Variants in STK24 observed in about 807,000 individuals in gnomAD.
The protein encoded by STK24 is serine/threonine kinase 24.
STK24 carries 21 observed loss-of-function variants against 55.6 expected under a neutral mutation model. The ratio of observed to expected loss-of-function variants is 0.38; its 90% confidence interval spans 0.27 to 0.54. The LOEUF (loss-of-function observed/expected upper bound fraction) is 0.54, where lower values mean the gene tolerates loss of function less well. STK24 is among the 20% of genes least tolerant of loss of function. STK24 has a pLI of 0.79. For missense variants in STK24, 383 were observed against 538.4 expected (o/e 0.71, Z 2.86); for synonymous variants, 200 against 215.2 (o/e 0.93, Z 0.62).
chr13:98,558,928 G>A (rs1897342801), intron 1 of STK24, among the ~76,000 whole-genome samples: 1 of 150,200 alleles, frequency 6.7e-6, no homozygotes, highest in Non-Finnish European at 1.5e-5. Flanking sequence ...ACTTTAGGAG[G>A]CTGAGGCAGG....
chr13:98,471,178 T>TA (rs1346838800), intron 5 of STK24, among the ~76,000 whole-genome samples: 1 of 152,152 alleles, frequency 6.6e-6, no homozygotes, highest in Admixed American at 6.5e-5. Context: ...CAGTGACCAG[T>TA]GACAGGAAGG....
intron 9 of STK24, among the ~76,000 whole-genome samples, chr13:98,458,860 CCTT>C (rs1893580360): frequency 6.6e-6 from 1 of 152,202 alleles, no homozygotes; most frequent in Non-Finnish European, 1.5e-5. Flanking sequence ...GGGATATAAT[CCTT>C]CTACTGGGCT....
intron 1 of STK24, among the ~76,000 whole-genome samples, chr13:98,522,775 T>C (rs886924400): frequency 1.3e-5 from 2 of 152,192 alleles, no homozygotes; most frequent in African/African-American, 4.8e-5. Flanking sequence ...CATGGGACTG[T>C]GGTCAGTAAA....
intron 3 of STK24, 50 bp from the exon 4 acceptor site, chr13:98,475,408 A>G: frequency 1.5e-6 from 2 of 1,321,276 alleles, no homozygotes; most frequent in Middle Eastern, 2.4e-4. Context: ...TATCTTATGA[A>G]AAGTTTGAGA....
chr13:98,562,216 A>T (rs941889883), intron 1 of STK24, among the ~76,000 whole-genome samples: 1 of 152,214 alleles, frequency 6.6e-6, no homozygotes, highest in Non-Finnish European at 1.5e-5. Context: ...CTACATACTC[A>T]AGTACTGGGA....
chr13:98,546,513 T>G (rs774962309), intron 1 of STK24, among the ~76,000 whole-genome samples: 17 of 152,306 alleles, frequency 1.1e-4, no homozygotes, highest in Admixed American at 2.6e-4. Flanking sequence ...GAACAGGGAC[T>G]TCCTTCAGTC....
In STK24 at chr13:98,453,080, G is replaced by T; in HGVS notation, c.*93C>A. 1 of 1,462,948 alleles carries T rather than the reference G, an allele frequency of 6.8e-7. No individual in the cohort carries two copies. Among genetic ancestry groups the T allele is most frequent in the Non-Finnish European group, 9.5e-7 (1 of 1,055,932 alleles). 90.6% of individuals were successfully genotyped at this position (1,462,948 alleles called of 1,614,324 possible). On this transcript the variant is annotated 3_prime_UTR_variant, in exon 11 of 11. Transcript: ENST00000539966. The stretch of plus-strand genomic sequence containing the variant: ...TGGCTCCCAGTGGCGCACCTCTTCG[G>T]TGGAGTCAGCGAAGGCTCTCGTTGA...
chr13:98,544,262 C>T (rs150180096), intron 1 of STK24, among the ~76,000 whole-genome samples: 240 of 152,312 alleles, frequency 1.6e-3, no homozygotes, highest in Non-Finnish European at 2.9e-3. Flanking sequence ...AGCACAGGGG[C>T]AGGAGGCTCT....
At chr13:98,502,570 T>C (rs1278462678) in intron 2 of STK24, among the ~76,000 whole-genome samples, 1 of 152,174 alleles carries the variant, frequency 6.6e-6, no homozygotes, top group Admixed American at 6.5e-5. Context: ...AATGTATTAA[T>C]GTGGTGACTT....
intron 1 of STK24, chr13:98,521,844 G>A (rs753211453): frequency 2.5e-6 from 2 of 795,558 alleles, no homozygotes; most frequent in Non-Finnish European, 4.6e-6. Flanking sequence ...GCTGGGCTCT[G>A]GAGTCCATCC....
rs947701467 is a variant in STK24 at position 98,452,467 on chromosome 13, G to A, written c.*706C>T. On this transcript the variant is annotated 3_prime_UTR_variant, in exon 11 of 11. Transcript: ENST00000539966. ...ACCAAAAGGGGCGTAGGGCAAACGGGGAAAATTTGCATTTGTTGAGGTACA... is the reference window on the plus strand; with the variant it reads ...ACCAAAAGGGGCGTAGGGCAAACGGAGAAAATTTGCATTTGTTGAGGTACA... The A allele has an allele frequency of 6.6e-6, 1 of 152,576 alleles. No homozygotes were observed. Among genetic ancestry groups the A allele is most frequent in the Non-Finnish European group, 1.5e-5 (1 of 68,026 alleles). 9.5% of individuals were successfully genotyped at this position (152,576 alleles called of 1,614,324 possible).
chr13:98,534,733 CA>C (rs970860258), intron 1 of STK24, among the ~76,000 whole-genome samples: 5 of 152,166 alleles, frequency 3.3e-5, no homozygotes, highest in African/African-American at 1.2e-4. Context: ...GAACCGAAAA[CA>C]GCAAAAAACC....
intron 7 of STK24, among the ~76,000 whole-genome samples, chr13:98,463,376 G>A (rs1467772875): frequency 6.6e-6 from 1 of 152,148 alleles, no homozygotes; most frequent in Non-Finnish European, 1.5e-5. Flanking sequence ...CACCTGATCA[G>A]GGTTTTACAA....
At chr13:98,456,547 TC>T in intron 10 of STK24, 2 of 509,388 alleles carry the variant, frequency 3.9e-6, no homozygotes, top group East Asian at 5.9e-5. Flanking sequence ...GGGGCTTGGT[TC>T]CCATGGATAC....
intron 2 of STK24, among the ~76,000 whole-genome samples, chr13:98,501,236 C>A (rs1895448244): frequency 6.6e-6 from 1 of 152,220 alleles, no homozygotes; most frequent in Non-Finnish European, 1.5e-5. Context: ...GCCTGTGGAG[C>A]TGAGAAACCC....
At chr13:98,505,923 T>C (rs1054484018) in intron 2 of STK24, among the ~76,000 whole-genome samples, 5 of 152,204 alleles carry the variant, frequency 3.3e-5, no homozygotes, top group Non-Finnish European at 5.9e-5. Context: ...TATCTGTATA[T>C]CAAACATACA....
At chr13:98,509,270 T>C (rs575548773) in intron 2 of STK24, among the ~76,000 whole-genome samples, 6 of 152,162 alleles carry the variant, frequency 3.9e-5, no homozygotes, top group Admixed American at 1.3e-4. Context: ...AGCTAAGAGA[T>C]TGGTGAAAGA....
chr13:98,516,639 G>T (rs1214608403), intron 2 of STK24, among the ~76,000 whole-genome samples: 7 of 152,160 alleles, frequency 4.6e-5, no homozygotes, highest in African/African-American at 1.4e-4. Context: ...TCCCACACGT[G>T]AGCCTCCATT....
chr13:98,533,348 G>C (rs1481179146), intron 1 of STK24, among the ~76,000 whole-genome samples: 6 of 152,106 alleles, frequency 3.9e-5, no homozygotes, highest in Admixed American at 6.5e-5. Context: ...GACAGAGCGA[G>C]ACTATCTCAG....
Sources: allele counts gnomAD v4.1 joint callset (sites outside exome capture counted in the v4.1 genomes callset), GRCh38; gene constraint gnomAD v4.1.1; transcripts MANE v1.5; gene names NCBI Gene and HGNC (gene_info 2026-07-23, HGNC 2026-07-21).